Variants in ZFC3H1 observed in about 807,000 individuals in gnomAD.
The protein encoded by ZFC3H1 is zinc finger C3H1 domain-containing protein.
Under a neutral mutation model 243.7 loss-of-function variants are expected in ZFC3H1, and 71 were observed. The observed-to-expected ratio is 0.29, with a 90% CI of 0.24 to 0.36. ZFC3H1 has a LOEUF of 0.36. Among genes scored for constraint, ZFC3H1 ranks in the 10% least tolerant of loss-of-function variants. The pLI is 1.00. For missense variants in ZFC3H1, 1,966 were observed against 2,317.1 expected, an observed-to-expected ratio of 0.85 and a Z score of 3.11; for synonymous variants, 838 against 813.0, an observed-to-expected ratio of 1.03 and a Z score of -0.52.
At chr12:71,630,518 A>T in intron 18 of ZFC3H1, 82 bp downstream of exon 18, 3 of 1,495,556 alleles carry the variant, frequency 2.0e-6, no homozygotes, top group Non-Finnish European at 2.7e-6. Context: ...TAAGTATTTT[A>T]CAATGTCAAC....
intron 6 of ZFC3H1, 22 bp downstream of exon 6, chr12:71,642,414 G>T (rs752638812): frequency 6.2e-7 from 1 of 1,604,302 alleles, no homozygotes. Context: ...AATACACAAA[G>T]GTTTCAAGTT....
chr12:71,621,670 C>T (rs888978926), intron 24 of ZFC3H1, among the ~76,000 whole-genome samples: 1 of 152,104 alleles, frequency 6.6e-6, no homozygotes, highest in South Asian at 2.1e-4. Context: ...ATTACAATCA[C>T]AAATACTACT....
chr12:71,633,957 C>T (rs537413978), intron 12 of ZFC3H1, among the ~76,000 whole-genome samples, 198 bp downstream of exon 12: 27 of 152,210 alleles, frequency 1.8e-4, no homozygotes, highest in Non-Finnish European at 2.9e-4. Flanking sequence ...CGCGCCTGGC[C>T]GGTATTTTTA....
At chr12:71,652,006 T>C (rs1408686253) in intron 2 of ZFC3H1, among the ~76,000 whole-genome samples, 1 of 152,048 alleles carries the variant, frequency 6.6e-6, no homozygotes, top group Non-Finnish European at 1.5e-5. Flanking sequence ...TGGAATTGAG[T>C]GTGATCACCT....
At chr12:71,626,869 C>T (rs530070876) in intron 21 of ZFC3H1, among the ~76,000 whole-genome samples, 23 of 152,314 alleles carry the variant, frequency 1.5e-4, no homozygotes, top group South Asian at 4.1e-4. Context: ...TTCTTTTCAA[C>T]GGTCAAGGGC....
At chr12:71,610,897 T>G (rs1047979700) in intron 33 of ZFC3H1, 140 bp from the exon 34 acceptor site, 1 of 1,408,496 alleles carries the variant, frequency 7.1e-7, no homozygotes, top group Non-Finnish European at 9.8e-7. Flanking sequence ...TTCCGAATAT[T>G]TGGTACTCTT....
chr12:71,611,086 G>C lies in ZFC3H1; in HGVS notation c.5741C>G (p.Ala1914Gly). ...CLATWKIAIA[A>G]EIVLKGQREV... ...TCTTTGTCCCTTTAGAACAATCTCA[G>C]CAGCAATGGCTCTAAGAGAAAAAAA... Residue 1914 changes from alanine to glycine, a missense_variant, in exon 33 of 35, where the codon GCT (alanine) becomes GGT (glycine). Physicochemically the swap from Ala to Gly is moderately conservative, Grantham distance 60. This residue lies in a region of ZFC3H1 where 1,383 missense variants were observed against 1,723.7 expected (regional missense o/e 0.80). Transcript: ENST00000378743. The C allele has an allele frequency of 6.5e-7, 1 of 1,549,762 alleles. No homozygotes were observed. Among genetic ancestry groups the C allele is most frequent in the Non-Finnish European group, 8.7e-7 (1 of 1,151,392 alleles).
At chr12:71,640,323 ATTC>A (rs2137543998) in intron 6 of ZFC3H1, among the ~76,000 whole-genome samples, 2 of 152,266 alleles carry the variant, frequency 1.3e-5, no homozygotes, top group South Asian at 4.2e-4. Flanking sequence ...GTGCCCAGCC[ATTC>A]TTGTTTTTTA....
intron 12 of ZFC3H1, among the ~76,000 whole-genome samples, chr12:71,633,858 G>A (rs111502842): frequency 0.091 from 13,787 of 152,108 alleles, 693 homozygotes; most frequent in African/African-American, 0.13. Flanking sequence ...GGGTTTCACC[G>A]TGTTGGCCAG....
chr12:71,633,183 A>C (rs1338495816), intron 13 of ZFC3H1, 81 bp downstream of exon 13: 47 of 1,443,744 alleles, frequency 3.3e-5, no homozygotes, highest in Non-Finnish European at 4.3e-5. Context: ...TGGCTTTAGT[A>C]TACAGTGGTT....
At chr12:71,657,458 G>A (rs1033230915) in intron 1 of ZFC3H1, among the ~76,000 whole-genome samples, 157 bp from the exon 2 acceptor site, 2 of 152,228 alleles carry the variant, frequency 1.3e-5, no homozygotes, top group Admixed American at 6.5e-5. Flanking sequence ...TGTATGTGCA[G>A]CTAATGCCCA....
chr12:71,619,663 T>C (rs1879976524), intron 26 of ZFC3H1, among the ~76,000 whole-genome samples: 1 of 152,166 alleles, frequency 6.6e-6, no homozygotes, highest in Admixed American at 6.5e-5. Context: ...CAATTATGTA[T>C]TAGCCATCTA....
intron 31 of ZFC3H1, among the ~76,000 whole-genome samples, chr12:71,612,882 A>G (rs776371395): frequency 1.3e-3 from 196 of 152,326 alleles, no homozygotes; most frequent in Non-Finnish European, 1.7e-3. Context: ...CAGTGCTTCA[A>G]AAATGTAGTG....
At chr12:71,646,967 A>T (rs566192151) in intron 3 of ZFC3H1, among the ~76,000 whole-genome samples, 1 of 152,144 alleles carries the variant, frequency 6.6e-6, no homozygotes, top group Admixed American at 6.5e-5. Context: ...TACTCAAATG[A>T]CTCTTACTTC....
At chr12:71,611,347 G>GAA in intron 32 of ZFC3H1, 5 of 168,640 alleles carry the variant, frequency 3.0e-5, no homozygotes, top group African/African-American at 5.7e-5. Flanking sequence ...GTTCACAGGA[G>GAA]AAAAAAAAAA....
At chr12:71,620,382 C>T (rs1879996295) in intron 24 of ZFC3H1, 67 bp from the exon 25 acceptor site, 1 of 1,524,252 alleles carries the variant, frequency 6.6e-7, no homozygotes, top group Non-Finnish European at 9.1e-7. Flanking sequence ...GACTGTGTTA[C>T]TTCAACTCTG....
At position 71,642,498 on chromosome 12, in the gene ZFC3H1, A is replaced by G. The variant is rs1417352766; in HGVS notation, c.1565T>C (p.Ile522Thr). 6.2e-7 allele frequency: 1 copy of G among 1,613,678 alleles called. No homozygotes were observed. The highest frequency in any genetic ancestry group is 1.3e-5 in the African/African-American group (1 of 75,050). Reference protein sequence around the residue: ...DKQPTDSGGGIYQYDNYEEVA... With the variant: ...DKQPTDSGGGTYQYDNYEEVA... The stretch of plus-strand genomic sequence containing the variant: ...TTCTTCATAGTTATCATACTGATAA[A>G]TGCCTCCTCCACTATCAGTAGGTTG... The change falls in exon 6 of 35, where the codon ATT becomes ACT. Residue 522 changes from isoleucine to threonine, a missense_variant. Physicochemically the swap from Ile to Thr is moderately conservative, Grantham distance 89. Around this residue, in one of 4 missense-constraint regions of ZFC3H1, gnomAD observed 1,383 missense variants for 1,723.7 expected, o/e 0.80. Coordinates refer to ENST00000378743, the MANE Select transcript of ZFC3H1 (RefSeq NM_144982.5).
chr12:71,654,119 A>C (rs951736092), intron 2 of ZFC3H1, among the ~76,000 whole-genome samples: 2 of 151,852 alleles, frequency 1.3e-5, no homozygotes, highest in Non-Finnish European at 2.9e-5. Flanking sequence ...CCCAGCAAAA[A>C]CACATTTTTA....
intron 3 of ZFC3H1, among the ~76,000 whole-genome samples, chr12:71,646,694 A>G (rs1160487554): frequency 1.3e-5 from 2 of 152,164 alleles, no homozygotes; most frequent in African/African-American, 4.8e-5. Context: ...TAAAGTGATC[A>G]AACTACCTCA....
Sources: allele counts gnomAD v4.1 joint callset (sites outside exome capture counted in the v4.1 genomes callset), GRCh38; gene constraint gnomAD v4.1.1; regional missense constraint gnomAD v4.1.1; transcripts MANE v1.5; gene names NCBI Gene and HGNC (gene_info 2026-07-23, HGNC 2026-07-21).